CACNB2: variants seen among roughly 807,000 people sequenced by gnomAD.
CACNB2 encodes the protein voltage-dependent L-type calcium channel subunit beta-2.
A neutral mutation model predicts 73.3 loss-of-function variants in CACNB2; 42 were observed. The ratio of observed to expected loss-of-function variants is 0.57; its 90% CI spans 0.45 to 0.74. The LOEUF is 0.74. Among genes scored for constraint, CACNB2 ranks in the 30% least tolerant of loss-of-function variants. CACNB2 has a pLI of 0.00. For synonymous variants in CACNB2, 348 were observed against 310.3 expected (o/e 1.12, Z -1.28); for missense variants, 940 against 853.0 (o/e 1.10, Z -1.27).
intron 10 of CACNB2, among the ~76,000 whole-genome samples, chr10:18,529,292 G>A (rs568549433): frequency 1.3e-5 from 2 of 152,182 alleles, no homozygotes; most frequent in South Asian, 2.1e-4. Context: ...GAATTTTCCA[G>A]TCTATGTATT....
At chr10:18,342,798 T>A (rs1484571442) in intron 2 of CACNB2, among the ~76,000 whole-genome samples, 1 of 152,146 alleles carries the variant, frequency 6.6e-6, no homozygotes, top group Admixed American at 6.5e-5. Context: ...GACAAGAATA[T>A]AAATGGAGAT....
At chr10:18,341,014 T>C (rs971996160) in intron 2 of CACNB2, 14 of 1,607,318 alleles carry the variant, frequency 8.7e-6, no homozygotes, top group African/African-American at 1.3e-5. Context: ...AGATGCACGG[T>C]GCGGTTTAAA....
At chr10:18,236,594 T>C (rs531150730) in intron 2 of CACNB2, among the ~76,000 whole-genome samples, 1 of 152,318 alleles carries the variant, frequency 6.6e-6, no homozygotes, top group East Asian at 1.9e-4. Context: ...AGAAAGAGAA[T>C]GAAACTTACT....
At chr10:18,265,658 G>A (rs1277722) in intron 2 of CACNB2, among the ~76,000 whole-genome samples, 123,591 of 152,092 alleles carry the variant, frequency 0.81, 50,716 homozygotes, top group African/African-American at 0.93. Context: ...TTTACTTACC[G>A]TGTGATAGTG....
intron 2 of CACNB2, among the ~76,000 whole-genome samples, chr10:18,279,376 A>G (rs1376621292): frequency 6.6e-6 from 1 of 152,218 alleles, no homozygotes; most frequent in Admixed American, 6.5e-5. Flanking sequence ...CCAAGGGGGA[A>G]GGATGCTGTG....
chr10:18,357,134 G>C (rs1258246473), intron 2 of CACNB2, among the ~76,000 whole-genome samples: 1 of 149,914 alleles, frequency 6.7e-6, no homozygotes, highest in Admixed American at 6.7e-5. Flanking sequence ...TAGTAGAGAC[G>C]GGGTTTCACC....
intron 3 of CACNB2, among the ~76,000 whole-genome samples, chr10:18,460,598 T>C (rs1273795284): frequency 6.6e-6 from 1 of 152,012 alleles, no homozygotes; most frequent in African/African-American, 2.4e-5. Flanking sequence ...AAAAAATAAA[T>C]AAAGGATTCT....
At chr10:18,532,908 C>T (rs2053205877) in intron 10 of CACNB2, 1 of 151,424 alleles carries the variant, frequency 6.6e-6, no homozygotes, top group Non-Finnish European at 1.5e-5. Flanking sequence ...ATTCAGTGGC[C>T]CAATGTTATT....
rs117306738 is a variant in CACNB2, at chr10:18,400,963, G to A, written c.214-961G>A. The A allele has an allele frequency of 4.9e-4, 785 of 1,611,112 alleles. 7 individuals are homozygous for A. In the East Asian group the frequency reaches 0.016, roughly 33 times the overall value. ...ATAGGAAAGGAGCTGGGGTTCTCCG[G>A]GGCTCAGCGCGCACTGAGAACCTGT... On this transcript the variant is annotated intron_variant, in intron 2 of 13. Transcript: ENST00000324631.
intron 3 of CACNB2, among the ~76,000 whole-genome samples, chr10:18,447,634 C>T (rs1046172634): frequency 6.6e-6 from 1 of 151,526 alleles, no homozygotes; most frequent in Non-Finnish European, 1.5e-5. Context: ...GAAAATAAGA[C>T]ATGATCACTG....
chr10:18,140,811 G>A lies in CACNB2; in HGVS notation c.75G>A (p.Leu25=). Reference sequence around the variant, plus strand: ...TGGCGCAGGAGATCCAGATGGAACTGCTAGAGAACGTGGCTCCCGCGGGGG... The same window carrying A: ...TGGCGCAGGAGATCCAGATGGAACTACTAGAGAACGTGGCTCCCGCGGGGG... ...AAVAQEIQME[L]LENVAPAGAL... Residue 25 remains leucine (L), a synonymous_variant, in exon 1 of 14, where the codon CTG becomes CTA. Coordinates refer to ENST00000324631, the MANE Select transcript of CACNB2 (RefSeq NM_201596.3). 1 of 1,604,480 alleles carries A rather than the reference G, an allele frequency of 6.2e-7. No homozygotes were observed.
intron 3 of CACNB2, among the ~76,000 whole-genome samples, chr10:18,471,287 C>G (rs771480391): frequency 6.6e-6 from 1 of 152,052 alleles, no homozygotes; most frequent in African/African-American, 2.4e-5. Flanking sequence ...GCCTGGGCAA[C>G]AAGAGTGAAA....
intron 3 of CACNB2, among the ~76,000 whole-genome samples, chr10:18,439,088 G>A (rs114455840): frequency 0.018 from 2,705 of 152,332 alleles, 84 homozygotes; most frequent in African/African-American, 0.061. Context: ...CACAGGATAC[G>A]AGACATGCAA....
At chr10:18,414,934 G>A (rs1257032057) in intron 3 of CACNB2, among the ~76,000 whole-genome samples, 2 of 152,134 alleles carry the variant, frequency 1.3e-5, no homozygotes, top group African/African-American at 4.8e-5. Context: ...AACCCTCTCT[G>A]TTCTTACAAG....
At chr10:18,511,137 G>A (rs917352828) in intron 6 of CACNB2, among the ~76,000 whole-genome samples, 3 of 152,166 alleles carry the variant, frequency 2.0e-5, no homozygotes, top group Non-Finnish European at 4.4e-5. Context: ...AAACCTTTTA[G>A]CACATCAGTA....
At chr10:18,451,723 G>A (rs1290990426) in intron 3 of CACNB2, among the ~76,000 whole-genome samples, 3 of 152,072 alleles carry the variant, frequency 2.0e-5, no homozygotes, top group Admixed American at 2.0e-4. Flanking sequence ...ACAGCTCTGG[G>A]GTATGTCTTA....
chr10:18,422,929 C>A, intron 3 of CACNB2, among the ~76,000 whole-genome samples: 1 of 152,206 alleles, frequency 6.6e-6, no homozygotes, highest in East Asian at 1.9e-4. Flanking sequence ...AACTCCTGAC[C>A]TCAGGTGATC....
intron 6 of CACNB2, among the ~76,000 whole-genome samples, chr10:18,510,279 C>T (rs2050695648): frequency 6.6e-6 from 1 of 152,140 alleles, no homozygotes; most frequent in African/African-American, 2.4e-5. Context: ...GGCAACGTTG[C>T]AGCCAAAGAT....
At chr10:18,181,273 C>T (rs2033864865) in intron 2 of CACNB2, among the ~76,000 whole-genome samples, 1 of 152,130 alleles carries the variant, frequency 6.6e-6, no homozygotes, top group Non-Finnish European at 1.5e-5. Context: ...AGCTAGTCCA[C>T]CCTCACACTG....
Sources: gnomAD v4.1 joint callset for allele counts (sites outside exome capture counted in the v4.1 genomes callset) on GRCh38, gnomAD v4.1.1 for gene constraint, MANE v1.5 for transcripts, NCBI Gene and HGNC (gene_info 2026-07-23, HGNC 2026-07-21) for gene names.